The following INAVA variants were observed in gnomAD, a reference collection of about 807,000 sequenced individuals.
The protein encoded by INAVA is innate immunity activator protein.
In INAVA, 32 loss-of-function variants were observed where a neutral mutation model predicts 55.3. The ratio of observed to expected loss-of-function variants is 0.58; its 90% CI spans 0.44 to 0.78. The LOEUF (loss-of-function observed/expected upper bound fraction) is 0.78, where lower values mean the gene tolerates loss of function less well. INAVA is among the 30% of genes least tolerant of loss of function. The pLI is 0.00. For synonymous variants in INAVA, 294 were observed against 329.4 expected, an observed-to-expected ratio of 0.89 and a Z score of 1.16; for missense variants, 756 against 786.4, an observed-to-expected ratio of 0.96 and a Z score of 0.46.
chr1:200,898,326 C>A lies in INAVA; in HGVS notation c.-75C>A. The stretch of plus-strand genomic sequence containing the variant: ...TTAAAGCTGGGGAAGCTCCAGGCTA[C>A]CTACACAACCTGGCCCAGGCTGGTC... On this transcript the variant is annotated 5_prime_UTR_variant, in exon 2 of 10. Transcript: ENST00000413687. 6.2e-7 allele frequency: 1 copy of A among 1,612,060 alleles called. No individual in the cohort carries two copies. Among genetic ancestry groups the A allele is most frequent in the Non-Finnish European group, 8.5e-7 (1 of 1,179,532 alleles).
At chr1:200,910,383 T>A (rs546317718) in intron 8 of INAVA, among the ~76,000 whole-genome samples, 1 of 152,360 alleles carries the variant, frequency 6.6e-6, no homozygotes, top group South Asian at 2.1e-4. Flanking sequence ...GACTGTATGT[T>A]ACTTTCTAAG....
upstream of INAVA, chr1:200,891,632 G>A: frequency 6.6e-7 from 1 of 1,524,732 alleles, no homozygotes; most frequent in Non-Finnish European, 8.8e-7. Flanking sequence ...GGACAAACAG[G>A]TCCTGAAGCT....
chr1:200,912,049 A>G lies in INAVA; in HGVS notation c.1556A>G (p.His519Arg). The change falls in exon 9 of 10, where the codon CAC becomes CGC. Residue 519 changes from histidine (H) to arginine (R), a missense_variant. Coordinates refer to ENST00000413687, the MANE Select transcript of INAVA (RefSeq NM_001142569.3). ...ERARLRSTRP[H>R]SLDRQGAFRV... The stretch of plus-strand genomic sequence containing the variant: ...GCACGCCTCCGGAGCACCCGCCCCC[A>G]CTCACTGGACCGCCAAGGAGCTTTC... The G allele has an allele frequency of 6.5e-7, 1 of 1,546,356 alleles. No individual in the cohort carries two copies. Among genetic ancestry groups the G allele is most frequent in the South Asian group, 1.2e-5 (1 of 84,024 alleles).
upstream of INAVA, among the ~76,000 whole-genome samples, chr1:200,894,012 G>T (rs1425543632): frequency 6.6e-6 from 1 of 152,164 alleles, no homozygotes; most frequent in Admixed American, 6.5e-5. Context: ...CTGGGGACAG[G>T]CCAGGCAACA....
chr1:200,898,168 C>T (rs1244536259), intron 1 of INAVA, 139 bp from the exon 2 acceptor site: 7 of 887,250 alleles, frequency 7.9e-6, no homozygotes, highest in Non-Finnish European at 1.2e-5. Context: ...ACCCCCAGTG[C>T]CAGAATCTCC....
At position 200,900,135 on chromosome 1, in the gene INAVA, C is replaced by A; in HGVS notation, c.212C>A (p.Pro71His). 1 of 1,613,896 alleles carries A rather than the reference C, an allele frequency of 6.2e-7. No individual in the cohort carries two copies. Among genetic ancestry groups the A allele is most frequent in the Non-Finnish European group, 8.5e-7 (1 of 1,179,844 alleles). ...ELTGTLPAEY[P>H]LKPGEKAPKV... The stretch of plus-strand genomic sequence containing the variant: ...ACGGGCACCTTGCCAGCGGAGTATC[C>A]CCTCAAACCAGGGGAAAAGGCCCCC... Residue 71 changes from proline to histidine, a missense_variant, in exon 4 of 10, where the codon CCC (proline) becomes CAC (histidine). Physicochemically the swap from Pro to His is moderately conservative, Grantham distance 77. This residue lies in a region of INAVA where 639 missense variants were observed against 624.3 expected (regional missense o/e 1.02). Transcript: ENST00000413687.
In INAVA at chr1:200,911,666, C is replaced by T. The variant is rs150902632; in HGVS notation, c.1173C>T (p.Asp391=). The T allele has an allele frequency of 1.2e-6, 2 of 1,614,064 alleles. No homozygotes were observed. The highest frequency in any genetic ancestry group is 8.5e-7 in the Non-Finnish European group (1 of 1,179,978). ...HPTSPGSSSP[D]ISFLQPLSPP... is the part of the protein sequence containing the mutation. ...CTTCGCCGGGCAGCAGCAGCCCCGA[C>T]ATCTCCTTTCTGCAGCCTCTCTCCC... The change falls in exon 9 of 10, where the codon GAC becomes GAT. Residue 391 remains aspartate, a synonymous_variant. Coordinates refer to ENST00000413687, the MANE Select transcript of INAVA (RefSeq NM_001142569.3).
intron 5 of INAVA, among the ~76,000 whole-genome samples, chr1:200,904,696 T>C (rs536648505): frequency 3.3e-5 from 5 of 151,646 alleles, no homozygotes; most frequent in Admixed American, 1.3e-4. Context: ...GTTGCTGAGA[T>C]AGTGAGCAGC....
At chr1:200,906,911 G>A (rs1653516847) in intron 5 of INAVA, among the ~76,000 whole-genome samples, 1 of 152,112 alleles carries the variant, frequency 6.6e-6, no homozygotes, top group Admixed American at 6.5e-5. Context: ...CTGCAGCCTC[G>A]ACCTCCCAGG....
upstream of INAVA, among the ~76,000 whole-genome samples, chr1:200,894,301 G>T (rs1322861065): frequency 6.6e-6 from 1 of 152,124 alleles, no homozygotes; most frequent in Non-Finnish European, 1.5e-5. Flanking sequence ...ACAGAGAAGT[G>T]ATGGCCTCGA....
At chr1:200,910,847 GAGTGA>G (rs1371119849) in intron 8 of INAVA, among the ~76,000 whole-genome samples, 4 of 152,210 alleles carry the variant, frequency 2.6e-5, no homozygotes, top group Non-Finnish European at 5.9e-5. Flanking sequence ...TGCATTAGTA[GAGTGA>G]AGTGAAGGCT....
At position 200,913,835 on chromosome 1, in the gene INAVA, T is replaced by C. The variant is rs1210225125; in HGVS notation, c.*206T>C. The C allele has an allele frequency of 5.3e-6, 3 of 563,146 alleles. No homozygotes were observed. Among genetic ancestry groups the C allele is most frequent in the Non-Finnish European group, 9.5e-6 (3 of 316,796 alleles). 34.9% of individuals were successfully genotyped at this position (563,146 alleles called of 1,614,324 possible). On this transcript the variant is annotated 3_prime_UTR_variant, in exon 10 of 10. Transcript: ENST00000413687. Reference sequence around the variant, plus strand: ...ATGTGGATTGTCCTCAATACCCCTGTGATATGATTATGTTTTATCCCCCAG... The same window carrying C: ...ATGTGGATTGTCCTCAATACCCCTGCGATATGATTATGTTTTATCCCCCAG...
rs1041641805 is a variant in INAVA at position 200,899,550 on chromosome 1, C to T, written c.133C>T (p.Leu45=). The T allele has an allele frequency of 1.2e-5, 20 of 1,613,446 alleles. No individual in the cohort carries two copies. In the East Asian group the frequency reaches 1.6e-4, roughly 13 times the overall value. ...HKQQRALEAR[L]EACLEELRRL... ...GCAGCAGAGGGCCCTGGAAGCGAGG[C>T]TGGAGGCCTGCCTGGAGGAGCTGAG... Residue 45 remains leucine (L), a synonymous_variant, in exon 3 of 10, where the codon CTG becomes TTG. Transcript: ENST00000413687.
intron 8 of INAVA, 106 bp from the exon 9 acceptor site, chr1:200,911,347 C>T: frequency 9.4e-7 from 1 of 1,060,726 alleles, no homozygotes. Flanking sequence ...CATGCTTGGG[C>T]CTTGAGGTAG....
chr1:200,897,053 G>C (rs531823435), intron 1 of INAVA, among the ~76,000 whole-genome samples: 1 of 152,246 alleles, frequency 6.6e-6, no homozygotes, highest in African/African-American at 2.4e-5. Flanking sequence ...GGCCAGCTGG[G>C]ACCCCAACCA....
chr1:200,913,293 TG>T (rs1399104067), intron 9 of INAVA, among the ~76,000 whole-genome samples: 1 of 151,640 alleles, frequency 6.6e-6, no homozygotes, highest in Non-Finnish European at 1.5e-5. Context: ...CCAGGAAAGG[TG>T]GGGGAGGAGG....
chr1:200,900,064 C>T, intron 3 of INAVA, 40 bp from the exon 4 acceptor site: 1 of 1,542,846 alleles, frequency 6.5e-7, no homozygotes, highest in Non-Finnish European at 8.9e-7. Context: ...CAAGTCTGGG[C>T]AGGTGGAGAG....
At chr1:200,913,402 T>C (rs1378668989) in intron 9 of INAVA, 135 bp from the exon 10 acceptor site, 2 of 668,254 alleles carry the variant, frequency 3.0e-6, no homozygotes, top group Non-Finnish European at 5.3e-6. Flanking sequence ...AGGGGCTGAG[T>C]GCCAGGGCCT....
chr1:200,899,536 CCCTGGAA>C lies in INAVA; in HGVS notation c.120_126del (p.Leu41ArgfsTer10). 3 of 1,613,880 alleles carry C rather than the reference CCCTGGAA, an allele frequency of 1.9e-6. No individual in the cohort carries two copies. The highest frequency in any genetic ancestry group is 1.7e-6 in the Non-Finnish European group (2 of 1,179,980). On this transcript the variant is annotated frameshift_variant, in exon 3 of 10. Transcript: ENST00000413687. LOFTEE classifies it high-confidence loss of function. ...CATGCAGTGCACAAGCAGCAGAGGGCCCTGGAAGCGAGGCTGGAGGCCTGCCTGGAGG... is the reference window on the plus strand; with the variant it reads ...CATGCAGTGCACAAGCAGCAGAGGGCGCGAGGCTGGAGGCCTGCCTGGAGG...
Sources: gnomAD v4.1 joint callset for allele counts (sites outside exome capture counted in the v4.1 genomes callset) on GRCh38, gnomAD v4.1.1 for gene constraint, gnomAD v4.1.1 regional missense constraint, MANE v1.5 for transcripts, NCBI Gene and HGNC (gene_info 2026-07-23, HGNC 2026-07-21) for gene names.